Variants in JAZF1 observed in about 807,000 individuals in gnomAD.
The protein encoded by JAZF1 is JAZF zinc finger 1.
Under a neutral mutation model 26.4 loss-of-function variants are expected in JAZF1, and 8 were observed. The observed-to-expected ratio is 0.30, with a 90% CI of 0.18 to 0.55. The LOEUF (loss-of-function observed/expected upper bound fraction) is 0.55, where lower values mean the gene tolerates loss of function less well. JAZF1 is among the 20% of genes least tolerant of loss of function. The pLI, the probability that JAZF1 is intolerant of heterozygous loss-of-function variation, is 0.94. For missense variants in JAZF1, 199 were observed against 322.0 expected (o/e 0.62, Z 2.92); for synonymous variants, 126 against 122.3 (o/e 1.03, Z -0.20).
chr7:28,000,463 G>A lies in JAZF1; in HGVS notation c.116-8482C>T, dbSNP rs377121494. Among the ~76,000 whole-genome samples the A allele has an allele frequency of 4.6e-5, 7 of 152,104 alleles. No individual in the cohort carries two copies. In the East Asian group the frequency reaches 7.7e-4, roughly 17 times the overall value. The stretch of plus-strand genomic sequence containing the variant: ...GAATATTATGAGAAACAGAGCTATT[G>A]CTCCTAGATTGCTTCTAGGTGATAA... On this transcript the variant is annotated intron_variant, in intron 1 of 4. Transcript: ENST00000283928.
At chr7:28,105,114 G>C (rs1784530859) in intron 1 of JAZF1, among the ~76,000 whole-genome samples, 1 of 152,038 alleles carries the variant, frequency 6.6e-6, no homozygotes, top group Non-Finnish European at 1.5e-5. Flanking sequence ...GACATGTCCG[G>C]ATTTTTTTTT....
chr7:28,110,493 GAAA>G (rs755073343), intron 1 of JAZF1, among the ~76,000 whole-genome samples: 5 of 42,040 alleles, frequency 1.2e-4, no homozygotes, highest in East Asian at 2.8e-3. Context: ...GAAAGGAAAG[GAAA>G]GGAAAGGAAA....
At chr7:28,055,131 G>A (rs1003954692) in intron 1 of JAZF1, among the ~76,000 whole-genome samples, 1 of 151,726 alleles carries the variant, frequency 6.6e-6, no homozygotes, top group Non-Finnish European at 1.5e-5. Flanking sequence ...AAATGACAGA[G>A]GATGGCTCCA....
rs1296446161 is a variant in JAZF1 at position 27,831,764 on chromosome 7, T to C, written c.*1036A>G. On this transcript the variant is annotated 3_prime_UTR_variant, in exon 5 of 5. Transcript: ENST00000283928. Reference sequence around the variant, plus strand: ...AGGGGTCTTAACAAAAGTGTTCATCTTTGAAACGTGCTTAGAATTTTAGTT... The same window carrying C: ...AGGGGTCTTAACAAAAGTGTTCATCCTTGAAACGTGCTTAGAATTTTAGTT... 1.8e-5 allele frequency: 4 copies of C among 223,862 alleles called. No individual in the cohort carries two copies. Among genetic ancestry groups the C allele is most frequent in the Non-Finnish European group, 2.7e-5 (3 of 112,056 alleles). 13.9% of individuals were successfully genotyped at this position (223,862 alleles called of 1,614,324 possible).
chr7:28,018,723 C>T (rs938919390), intron 1 of JAZF1, among the ~76,000 whole-genome samples: 4 of 152,180 alleles, frequency 2.6e-5, no homozygotes, highest in Admixed American at 2.6e-4. Flanking sequence ...GGAAATTAAG[C>T]CTGTCCTCCA....
chr7:28,042,420 T>A (rs142191754), intron 1 of JAZF1, among the ~76,000 whole-genome samples: 27 of 152,190 alleles, frequency 1.8e-4, no homozygotes, highest in Admixed American at 4.6e-4. Context: ...TGATCAAGTT[T>A]TAGAAAGACC....
chr7:27,895,181 C>A lies in JAZF1; in HGVS notation c.385+39G>T, dbSNP rs1468022827. On this transcript the variant is annotated intron_variant, in intron 3 of 4. Coordinates refer to ENST00000283928, the MANE Select transcript of JAZF1 (RefSeq NM_175061.4). ...ATCACACACACTTTCTCTTTCTCCC[C>A]TCTCCTCCTTCTCAAGGCGGTAGGG... The A allele has an allele frequency of 6.5e-6, 9 of 1,393,990 alleles. No homozygotes were observed. The South Asian group carries it at 1.1e-4, about 18-fold the overall frequency. The allele number at this position is 1,393,990 out of a possible 1,614,324, so 86.4% of individuals were successfully genotyped here.
rs572115351 is a variant in JAZF1 at position 27,958,117 on chromosome 7, T to C, written c.188+33792A>G. 3.3e-5 allele frequency among the ~76,000 whole-genome samples: 5 copies of C among 152,328 alleles called. No individual in the cohort carries two copies. The East Asian group carries it at 7.7e-4, about 24-fold the overall frequency. ...TTACTCATACATTTCTTACTCCCCC[T>C]ACTCCGTTACAGATTCATCTCTCTG... On this transcript the variant is annotated intron_variant, in intron 2 of 4. Coordinates refer to ENST00000283928, the MANE Select transcript of JAZF1 (RefSeq NM_175061.4).
At chr7:28,090,317 A>G (rs913261602) in intron 1 of JAZF1, among the ~76,000 whole-genome samples, 2 of 152,228 alleles carry the variant, frequency 1.3e-5, no homozygotes, top group African/African-American at 4.8e-5. Flanking sequence ...TGAACAACAA[A>G]TCTCTCTGCT....
At chr7:28,133,569 T>TA (rs1189428773) in intron 1 of JAZF1, among the ~76,000 whole-genome samples, 3 of 152,156 alleles carry the variant, frequency 2.0e-5, no homozygotes, top group Non-Finnish European at 4.4e-5. Flanking sequence ...TTAGTCTCAC[T>TA]AAAAAGGAAA....
intron 1 of JAZF1, among the ~76,000 whole-genome samples, chr7:28,136,210 C>T (rs936265582): frequency 6.6e-6 from 1 of 152,222 alleles, no homozygotes; most frequent in Non-Finnish European, 1.5e-5. Context: ...AACTCTCACA[C>T]TCTATTCTCC....
chr7:27,881,349 C>A (rs1783767370), intron 3 of JAZF1, among the ~76,000 whole-genome samples: 1 of 152,144 alleles, frequency 6.6e-6, no homozygotes, highest in Non-Finnish European at 1.5e-5. Context: ...AACCATTTGT[C>A]AAGTTTTGTT....
At chr7:27,960,164 A>G (rs1392729543) in intron 2 of JAZF1, among the ~76,000 whole-genome samples, 1 of 152,252 alleles carries the variant, frequency 6.6e-6, no homozygotes, top group African/African-American at 2.4e-5. Context: ...AGAACATGAA[A>G]TCTTCCCAGT....
At chr7:27,897,926 T>C (rs220) in intron 2 of JAZF1, among the ~76,000 whole-genome samples, 64,906 of 152,058 alleles carry the variant, frequency 0.43, 14,047 homozygotes, top group East Asian at 0.53. Flanking sequence ...AGAAGGTGAC[T>C]TGTTGGCAGA....
chr7:28,071,647 C>T (rs1016457335), intron 1 of JAZF1: 2 of 471,600 alleles, frequency 4.2e-6, no homozygotes, highest in African/African-American at 4.0e-5. Context: ...GACCCAAGGA[C>T]GGACCTTCTA....
At position 28,110,237 on chromosome 7, in the gene JAZF1, C is replaced by T. The variant is rs1417313699; in HGVS notation, c.115+70226G>A. ...GGTCAGGAGTTCGAGACCAGCCTGG[C>T]CAACACAGTGAAACCCCATTTCTGA... On this transcript the variant is annotated intron_variant, in intron 1 of 4. Transcript: ENST00000283928. Among the ~76,000 whole-genome samples the T allele has an allele frequency of 4.6e-5, 7 of 151,846 alleles. No individual in the cohort carries two copies. The East Asian group carries it at 1.4e-3, about 30-fold the overall frequency.
At chr7:28,028,403 A>G (rs781590038) in intron 1 of JAZF1, among the ~76,000 whole-genome samples, 3 of 152,232 alleles carry the variant, frequency 2.0e-5, no homozygotes, top group African/African-American at 4.8e-5. Flanking sequence ...CACAAACCAC[A>G]CTATGGCTGT....
rs1784310777 is a variant in JAZF1 at position 28,092,290 on chromosome 7, C to CCAAAAAAAA, written c.115+88172_115+88173insTTTTTTTTG. Reference sequence around the variant, plus strand: ...AACATCCCATTTCAGGGACAAAAGGCAAAAAAAAAAAAAAAAAAAAAAAAA... The same window carrying CCAAAAAAAA: ...AACATCCCATTTCAGGGACAAAAGGCCAAAAAAAAAAAAAAAAAAAAAAAAAAAAAAAAA... On this transcript the variant is annotated intron_variant, in intron 1 of 4. Coordinates refer to ENST00000283928, the MANE Select transcript of JAZF1 (RefSeq NM_175061.4). Among the ~76,000 whole-genome samples, 72 of 12,806 alleles carry CCAAAAAAAA rather than the reference C, an allele frequency of 5.6e-3. 3 individuals are homozygous for CCAAAAAAAA. The highest frequency in any genetic ancestry group is 0.014 in the African/African-American group (67 of 4,650). 8.4% of individuals were successfully genotyped at this position (12,806 alleles called of 152,430 possible).
At chr7:27,900,530 C>T (rs1451866024) in intron 2 of JAZF1, among the ~76,000 whole-genome samples, 1 of 152,036 alleles carries the variant, frequency 6.6e-6, no homozygotes, top group East Asian at 1.9e-4. Flanking sequence ...CAGAAACTGG[C>T]AATAACACAA....
Sources: allele counts gnomAD v4.1 joint callset (sites outside exome capture counted in the v4.1 genomes callset), GRCh38; gene constraint gnomAD v4.1.1; transcripts MANE v1.5; gene names NCBI Gene and HGNC (gene_info 2026-07-23, HGNC 2026-07-21).